The following ALMS1 variants were observed in gnomAD, a reference collection of about 807,000 sequenced individuals.
ALMS1 encodes centrosome-associated protein ALMS1.
ALMS1 carries 271 observed loss-of-function variants against 352.2 expected under a neutral mutation model. The ratio of observed to expected loss-of-function variants is 0.77; its 90% confidence interval spans 0.70 to 0.85. ALMS1 has a LOEUF of 0.85. Ranked by LOEUF, ALMS1 falls within the 40% of genes least tolerant of loss-of-function variation. The pLI, the probability that ALMS1 is intolerant of heterozygous loss-of-function variation, is 0.00. For synonymous variants in ALMS1, 1,865 were observed against 1,761.2 expected (o/e 1.06, Z -1.48); for missense variants, 5,445 against 4,870.7 (o/e 1.12, Z -3.51).
chr2:73,599,351 T>C, intron 16 of ALMS1, 50 bp from the exon 17 acceptor site: 2 of 1,606,036 alleles, frequency 1.2e-6, no homozygotes, highest in Non-Finnish European at 1.7e-6. Flanking sequence ...TGTGGATAAC[T>C]GTGACATTGA....
chr2:73,512,231 C>T (rs890640524), intron 10 of ALMS1, among the ~76,000 whole-genome samples: 8 of 151,972 alleles, frequency 5.3e-5, no homozygotes, highest in South Asian at 2.1e-4. Flanking sequence ...ACTACAGGTG[C>T]GTACCACCAC....
chr2:73,424,421 T>A lies in ALMS1; in HGVS notation c.765-9T>A. 1 of 1,513,368 alleles carries A rather than the reference T, an allele frequency of 6.6e-7. No individual in the cohort carries two copies. Among genetic ancestry groups the A allele is most frequent in the Non-Finnish European group, 8.9e-7 (1 of 1,122,874 alleles). The allele number at this position is 1,513,368 out of a possible 1,614,324, so 93.7% of individuals were successfully genotyped here. Reference sequence around the variant, plus strand: ...ATTTATTTATTTATTTTTAACTATATATTTTCAGGGGAATTCCTGATAAGT... The same window carrying A: ...ATTTATTTATTTATTTTTAACTATAAATTTTCAGGGGAATTCCTGATAAGT... On this transcript the variant is annotated splice_polypyrimidine_tract_variant and intron_variant, in intron 4 of 22. Transcript: ENST00000613296.
At position 73,544,180 on chromosome 2, in the gene ALMS1, G is replaced by T. The variant is rs560568268; in HGVS notation, c.9908-6087G>T. ...GCACATATACACCATGGAATACTAT[G>T]CAGCCATAAAAAATGATGAGTTCAT... On this transcript the variant is annotated intron_variant, in intron 12 of 22. Coordinates refer to ENST00000613296, the MANE Select transcript of ALMS1 (RefSeq NM_001378454.1). Among the ~76,000 whole-genome samples the T allele has an allele frequency of 4.6e-5, 7 of 152,306 alleles. No homozygotes were observed. In the East Asian group the frequency reaches 1.3e-3, roughly 29 times the overall value.
At chr2:73,438,978 C>G (rs911416155) in intron 7 of ALMS1, among the ~76,000 whole-genome samples, 1 of 136,584 alleles carries the variant, frequency 7.3e-6, no homozygotes, top group African/African-American at 3.2e-5. Context: ...TAGAATAGTT[C>G]TTTTCTTTCT....
At chr2:73,522,986 G>A (rs1673716565) in intron 11 of ALMS1, among the ~76,000 whole-genome samples, 1 of 152,152 alleles carries the variant, frequency 6.6e-6, no homozygotes, top group Non-Finnish European at 1.5e-5. Flanking sequence ...TAGCTAGGTG[G>A]CTCCTGTCCC....
chr2:73,491,849 C>A (rs190277000), intron 10 of ALMS1, among the ~76,000 whole-genome samples: 1 of 152,304 alleles, frequency 6.6e-6, no homozygotes, highest in Admixed American at 6.5e-5. Flanking sequence ...CACACACATA[C>A]ATGGGTGCTT....
At chr2:73,484,837 G>A (rs7602980) in intron 9 of ALMS1, among the ~76,000 whole-genome samples, 46,054 of 151,816 alleles carry the variant, frequency 0.3, 8,528 homozygotes, top group African/African-American at 0.53. Context: ...TTCTTCCATC[G>A]CTGATACCCT....
chr2:73,588,023 A>T (rs975375448), intron 16 of ALMS1, among the ~76,000 whole-genome samples: 2 of 152,196 alleles, frequency 1.3e-5, no homozygotes, highest in African/African-American at 4.8e-5. Flanking sequence ...TGAAACAGTA[A>T]TTTAAAAAAC....
intron 1 of ALMS1, among the ~76,000 whole-genome samples, chr2:73,399,535 T>C (rs570912547): frequency 1.3e-4 from 20 of 151,944 alleles, no homozygotes; most frequent in Admixed American, 3.9e-4. Context: ...CCAGGTCTTG[T>C]GTGAACTTAG....
chr2:73,490,748 T>A lies in ALMS1; in HGVS notation c.8789T>A (p.Phe2930Tyr). The A allele has an allele frequency of 6.2e-7, 1 of 1,614,122 alleles. No homozygotes were observed. Among genetic ancestry groups the A allele is most frequent in the Non-Finnish European group, 8.5e-7 (1 of 1,180,008 alleles). ...ATTTTTCTTGAACAACGAGAACTCT[T>A]TGAACAGTGCAAAGCCCCATATGTA... ...SCIFLEQREL[F>Y]EQCKAPYVDH... The change falls in exon 10 of 23, where the codon TTT becomes TAT. Residue 2930 changes from phenylalanine (F) to tyrosine (Y), a missense_variant. Transcript: ENST00000613296.
chr2:73,453,522 T>C lies in ALMS1; in HGVS notation c.6995T>C (p.Ile2332Thr). 5 of 1,613,672 alleles carry C rather than the reference T, an allele frequency of 3.1e-6. No individual in the cohort carries two copies. Among genetic ancestry groups the C allele is most frequent in the Non-Finnish European group, 4.2e-6 (5 of 1,179,946 alleles). The change falls in exon 8 of 23, where the codon ATA becomes ACA. Residue 2332 changes from isoleucine to threonine, a missense_variant. Transcript: ENST00000613296. ...FTEESPSSRC[I>T]QKDIGTQTNL... The stretch of plus-strand genomic sequence containing the variant: ...GAGGAAAGCCCAAGCAGCAGGTGCA[T>C]ACAGAAGGATATTGGCACACAGACG...
At chr2:73,461,202 T>A (rs1672192592) in intron 9 of ALMS1, among the ~76,000 whole-genome samples, 1 of 152,218 alleles carries the variant, frequency 6.6e-6, no homozygotes, top group Non-Finnish European at 1.5e-5. Context: ...AGGGGCAGAC[T>A]GACACCTCAC....
In ALMS1 at chr2:73,407,692, C is replaced by T. The variant is rs565061523; in HGVS notation, c.325-930C>T. Among the ~76,000 whole-genome samples the T allele has an allele frequency of 2.6e-5, 4 of 152,068 alleles. No individual in the cohort carries two copies. In the South Asian group the frequency reaches 8.3e-4, roughly 32 times the overall value. ...GCTTTTGTGAATGTTTTAATTTTCC[C>T]TTTTACAGGTGCATGCCATCATGCC... On this transcript the variant is annotated intron_variant, in intron 1 of 22. Transcript: ENST00000613296.
chr2:73,606,569 T>A (rs1675823009), intron 21 of ALMS1, among the ~76,000 whole-genome samples: 1 of 152,254 alleles, frequency 6.6e-6, no homozygotes, highest in African/African-American at 2.4e-5. Flanking sequence ...GAGAGACTTT[T>A]TAAACTGTTT....
intron 21 of ALMS1, among the ~76,000 whole-genome samples, chr2:73,604,533 G>A (rs1675773037): frequency 6.6e-6 from 1 of 152,140 alleles, no homozygotes; most frequent in Admixed American, 6.5e-5. Context: ...TAGTTTCTTA[G>A]TTGGCATAAT....
At chr2:73,584,251 C>G (rs1022505692) in intron 16 of ALMS1, among the ~76,000 whole-genome samples, 1 of 152,166 alleles carries the variant, frequency 6.6e-6, no homozygotes, top group African/African-American at 2.4e-5. Flanking sequence ...TTTGTCTCAG[C>G]TCATTTATAG....
chr2:73,404,765 A>G (rs1375299214), intron 1 of ALMS1, among the ~76,000 whole-genome samples: 2 of 152,028 alleles, frequency 1.3e-5, no homozygotes, highest in South Asian at 2.1e-4. Context: ...TGGTATCAGG[A>G]TAATGCTGGC....
At chr2:73,547,601 C>T (rs1239516054) in intron 12 of ALMS1, among the ~76,000 whole-genome samples, 4 of 152,094 alleles carry the variant, frequency 2.6e-5, no homozygotes, top group Non-Finnish European at 5.9e-5. Context: ...CAGGGTAGAG[C>T]ATAGTGATGG....
chr2:73,437,661 A>G (rs929234176), intron 7 of ALMS1, among the ~76,000 whole-genome samples: 1 of 152,146 alleles, frequency 6.6e-6, no homozygotes, highest in Admixed American at 6.5e-5. Context: ...TACCAGTAAG[A>G]TCCTGAGCTC....
Sources: allele counts gnomAD v4.1 joint callset (sites outside exome capture counted in the v4.1 genomes callset), GRCh38; gene constraint gnomAD v4.1.1; transcripts MANE v1.5; gene names NCBI Gene and HGNC (gene_info 2026-07-23, HGNC 2026-07-21).